The following LARP4B variants were observed in gnomAD, a reference collection of about 807,000 sequenced individuals.
LARP4B encodes La ribonucleoprotein 4B.
Under a neutral mutation model 89.8 loss-of-function variants are expected in LARP4B, and 12 were observed. The observed-to-expected ratio is 0.13, with a 90% CI of 0.09 to 0.22. The LOEUF (loss-of-function observed/expected upper bound fraction) is 0.22, where lower values mean the gene tolerates loss of function less well. LARP4B is among the 10% of genes least tolerant of loss of function. The pLI, the probability that LARP4B is intolerant of heterozygous loss-of-function variation, is 1.00. For missense variants in LARP4B, 757 were observed against 947.7 expected, an observed-to-expected ratio of 0.80 and a Z score of 2.64; for synonymous variants, 367 against 363.3, an observed-to-expected ratio of 1.01 and a Z score of -0.12.
At chr10:809,409 G>A (rs1831659075), downstream of LARP4B, 2 of 152,226 alleles carry the variant, frequency 1.3e-5, no homozygotes, top group South Asian at 4.1e-4. Context: ...ACGTAGGTGA[G>A]AAGGCTTTAG....
intron 8 of LARP4B, among the ~76,000 whole-genome samples, chr10:832,811 T>C (rs1035003394): frequency 6.6e-6 from 1 of 152,174 alleles, no homozygotes. Flanking sequence ...GTACAAGACA[T>C]GCTAAAGGAA....
At chr10:880,687 CAA>C (rs34640205) in intron 3 of LARP4B, among the ~76,000 whole-genome samples, 2 of 141,008 alleles carry the variant, frequency 1.4e-5, no homozygotes, top group Admixed American at 7.1e-5. Flanking sequence ...GAGGCTGACT[CAA>C]AAAAAAAAAA....
intron 1 of LARP4B, among the ~76,000 whole-genome samples, chr10:914,158 T>C (rs1385796059): frequency 6.6e-6 from 1 of 152,198 alleles, no homozygotes; most frequent in Non-Finnish European, 1.5e-5. Flanking sequence ...ATTGTTGTCA[T>C]GTGGTATAAA....
At chr10:866,471 C>T (rs896592490) in intron 3 of LARP4B, among the ~76,000 whole-genome samples, 1 of 152,230 alleles carries the variant, frequency 6.6e-6, no homozygotes, top group Non-Finnish European at 1.5e-5. Flanking sequence ...GACAGGAGCT[C>T]ATGGAGCTAC....
upstream of LARP4B, among the ~76,000 whole-genome samples, chr10:934,129 G>T (rs755534406): frequency 3.3e-5 from 5 of 151,994 alleles, no homozygotes; most frequent in Admixed American, 6.6e-5. Flanking sequence ...ACCGTTCCCG[G>T]CTGGTAGGTT....
chr10:814,337 G>C lies in LARP4B; in HGVS notation c.1929+405C>G. 3.0e-6 allele frequency: 1 copy of C among 329,082 alleles called. No homozygotes were observed. The highest frequency in any genetic ancestry group is 2.5e-5 in the South Asian group (1 of 40,594). The allele number at this position is 329,082 out of a possible 1,614,324, so 20.4% of individuals were successfully genotyped here. ...GTTCAGGCCTGCTGGGCCCACAGGG[G>C]TTGGAGGCTGGTGGGGCCACCATCT... On this transcript the variant is annotated intron_variant, in intron 17 of 17. Transcript: ENST00000316157. This position sits in a 1 kb window ranked among gnomAD's most constrained non-coding sequence, Gnocchi z 4.4.
At chr10:831,014 C>T in intron 8 of LARP4B, 37 bp from the exon 9 acceptor site, 1 of 863,896 alleles carries the variant, frequency 1.2e-6, no homozygotes. Flanking sequence ...TAATTCTCAA[C>T]AATGTCAGTT....
chr10:864,094 G>A (rs753416816), intron 4 of LARP4B, 29 bp downstream of exon 4: 3 of 1,613,444 alleles, frequency 1.9e-6, no homozygotes, highest in African/African-American at 1.3e-5. Context: ...AAAGCAGGGG[G>A]CTGCACACCA....
At chr10:899,366 A>G (rs529618077) in intron 1 of LARP4B, among the ~76,000 whole-genome samples, 161 of 152,282 alleles carry the variant, frequency 1.1e-3, no homozygotes, top group African/African-American at 3.7e-3. Context: ...CATTATTCTG[A>G]AGTCAGGAAC....
At chr10:966,861 G>GTGT in the LARP4B span, among the ~76,000 whole-genome samples, 23 of 152,322 alleles carry the variant, frequency 1.5e-4, no homozygotes, top group South Asian at 2.3e-3. Flanking sequence ...CCTGGAGAAG[G>GTGT]TGTGTTCTCT....
the LARP4B span, chr10:972,562 G>C: frequency 6.6e-6 from 3 of 457,266 alleles, no homozygotes; most frequent in Admixed American, 7.0e-5. Flanking sequence ...GAGGAAGACA[G>C]ATCACACAGC....
the LARP4B span, among the ~76,000 whole-genome samples, chr10:970,786 A>C: frequency 2.0e-5 from 3 of 152,078 alleles, no homozygotes; most frequent in Non-Finnish European, 2.9e-5. Flanking sequence ...AGACATTTGA[A>C]GTACATGTTG....
intron 1 of LARP4B, among the ~76,000 whole-genome samples, chr10:905,304 A>G (rs1351143913): frequency 6.6e-6 from 1 of 152,248 alleles, no homozygotes; most frequent in Non-Finnish European, 1.5e-5. Flanking sequence ...GTGGTGATAA[A>G]ATACACCTTA....
chr10:852,325 C>A (rs941855700), intron 5 of LARP4B, among the ~76,000 whole-genome samples: 8 of 152,094 alleles, frequency 5.3e-5, no homozygotes, highest in Non-Finnish European at 7.4e-5. Context: ...AGGTTTAGAC[C>A]ACAAATGTTG....
intron 3 of LARP4B, among the ~76,000 whole-genome samples, chr10:866,139 G>A (rs1834887841): frequency 6.6e-6 from 1 of 152,218 alleles, no homozygotes; most frequent in South Asian, 2.1e-4. Flanking sequence ...AGTCACTGGA[G>A]CACCAATGAG....
chr10:886,685 G>C (rs191773435), intron 1 of LARP4B, among the ~76,000 whole-genome samples: 1 of 152,304 alleles, frequency 6.6e-6, no homozygotes, highest in South Asian at 2.1e-4. Context: ...GAACCTGAAG[G>C]ATATTATGCC....
chr10:890,887 A>G (rs928931418), intron 1 of LARP4B, among the ~76,000 whole-genome samples: 2 of 152,134 alleles, frequency 1.3e-5, no homozygotes, highest in Admixed American at 6.6e-5. Flanking sequence ...TTAAACATCA[A>G]TTCCCACACA....
chr10:949,084 T>C, the LARP4B span, among the ~76,000 whole-genome samples: 1 of 152,258 alleles, frequency 6.6e-6, no homozygotes, highest in African/African-American at 2.4e-5. Context: ...CAACCCGTTT[T>C]CCAGGTGGCT....
At chr10:887,109 C>CAA (rs1564431565) in intron 1 of LARP4B, among the ~76,000 whole-genome samples, 1 of 150,228 alleles carries the variant, frequency 6.7e-6, no homozygotes, top group Non-Finnish European at 1.5e-5. Context: ...CACACACACA[C>CAA]AAAATGGTGA....
Sources: allele counts gnomAD v4.1 joint callset (sites outside exome capture counted in the v4.1 genomes callset), GRCh38; gene constraint gnomAD v4.1.1; non-coding constraint Gnocchi (gnomAD v3.1); transcripts MANE v1.5; gene names NCBI Gene and HGNC (gene_info 2026-07-23, HGNC 2026-07-21).